The following AXIN2 variants were observed in gnomAD, a reference collection of about 807,000 sequenced individuals.
AXIN2 encodes the protein axin 2.
AXIN2 carries 21 observed loss-of-function variants against 74.7 expected under a neutral mutation model. That is an observed-to-expected ratio of 0.28 (90% CI 0.20 to 0.40). The LOEUF is 0.40. AXIN2 is among the 10% of genes least tolerant of loss of function. The pLI is 1.00. For missense variants in AXIN2, 1,144 were observed against 1,111.1 expected, an observed-to-expected ratio of 1.03 and a Z score of -0.42; for synonymous variants, 532 against 454.9, an observed-to-expected ratio of 1.17 and a Z score of -2.16.
chr17:65,546,617 G>A (rs1598108390), intron 3 of AXIN2, among the ~76,000 whole-genome samples: 1 of 152,302 alleles, frequency 6.6e-6, no homozygotes, highest in Middle Eastern at 3.4e-3. Context: ...CCAAGAGACA[G>A]TGACCCCACA....
chr17:65,549,805 G>A, intron 2 of AXIN2, 145 bp from the exon 3 acceptor site: 1 of 1,098,702 alleles, frequency 9.1e-7, no homozygotes, highest in Non-Finnish European at 1.3e-6. Context: ...CACCTGGGCA[G>A]AAAGCAGGGG....
intron 9 of AXIN2, among the ~76,000 whole-genome samples, chr17:65,534,463 T>C (rs765141338): frequency 3.3e-5 from 5 of 152,136 alleles, no homozygotes; most frequent in East Asian, 1.9e-4. Flanking sequence ...CTCACCTGGA[T>C]TGGAGAGTGC....
At position 65,558,416 on chromosome 17, in the gene AXIN2, C is replaced by G; in HGVS notation, c.205G>C (p.Ala69Pro). 6.2e-7 allele frequency: 1 copy of G among 1,600,856 alleles called. No homozygotes were observed. Among genetic ancestry groups the G allele is most frequent in the Non-Finnish European group, 8.5e-7 (1 of 1,171,656 alleles). Residue 69 changes from alanine to proline, a missense_variant, in exon 2 of 11, where the codon GCA becomes CCA. Ala to Pro is a conservative substitution (Grantham distance 27). Transcript: ENST00000307078. ...CGGGTCAGAGGGGAATCCGGAGATG[C>G]CCGCCCCTCCGGCTCCCCCAACCCA... Reference protein sequence around the residue: ...EDGLGEPEGRASPDSPLTRWT... With the variant: ...EDGLGEPEGRPSPDSPLTRWT...
chr17:65,559,784 A>T (rs1441698900), intron 1 of AXIN2, among the ~76,000 whole-genome samples: 1 of 152,198 alleles, frequency 6.6e-6, no homozygotes, highest in African/African-American at 2.4e-5. Context: ...TAGGGGCTGA[A>T]CGGGGTGCAA....
In AXIN2 at chr17:65,549,623, T is replaced by C. The variant is rs746239590; in HGVS notation, c.853A>G (p.Ile285Val). ...GGTGCAAAGACATAGCCAGAACCTA[T>C]GTGATAAGGATTAACAGGATCGCTC... Reference protein sequence around the residue: ...KRSDPVNPYHIGSGYVFAPAT... With the variant: ...KRSDPVNPYHVGSGYVFAPAT... The change falls in exon 3 of 11, where the codon ATA becomes GTA. Residue 285 changes from isoleucine (I) to valine (V), a missense_variant. By Grantham distance (29) the Ile-to-Val change is conservative (BLOSUM62 3). Transcript: ENST00000307078. The C allele has an allele frequency of 2.5e-6, 4 of 1,605,334 alleles. No homozygotes were observed. Among genetic ancestry groups the C allele is most frequent in the East Asian group, 4.5e-5 (2 of 44,692 alleles).
In AXIN2 at chr17:65,536,331, G is replaced by T. The variant is rs760740780; in HGVS notation, c.2130C>A (p.Pro710=). ...ACRRLAEVSK[P]PKQRCCVASQ... is the part of the protein sequence containing the mutation. The stretch of plus-strand genomic sequence containing the variant: ...TCACTTCCACTCACCGCTGCTTTGG[G>T]GGCTTCGACACCTCAGCTAGCCTGC... Residue 710 remains proline (P), a synonymous_variant, in exon 8 of 11, where the codon CCC becomes CCA. Coordinates refer to ENST00000307078, the MANE Select transcript of AXIN2 (RefSeq NM_004655.4). 62 of 1,611,214 alleles carry T rather than the reference G, an allele frequency of 3.8e-5. No homozygotes were observed. The highest frequency in any genetic ancestry group is 5.1e-5 in the Non-Finnish European group (60 of 1,179,316).
At chr17:65,537,907 T>G in intron 5 of AXIN2, 72 bp from the exon 6 acceptor site, 1 of 1,479,738 alleles carries the variant, frequency 6.8e-7, no homozygotes, top group Non-Finnish European at 9.0e-7. Context: ...GGTTGCAACA[T>G]TCGGCTCCCT....
At chr17:65,559,491 C>T (rs8080680) in intron 1 of AXIN2, 40,500 of 151,216 alleles carry the variant, frequency 0.27, 5,704 homozygotes, top group Middle Eastern at 0.33. Context: ...TCCCTGACCT[C>T]CCCCCAAACC....
chr17:65,536,996 C>A lies in AXIN2; in HGVS notation c.1780G>T (p.Ala594Ser), dbSNP rs876660965. Residue 594 changes from alanine (A) to serine (S), a missense_variant, in exon 7 of 11, where the codon GCC (alanine) becomes TCC (serine). Ala to Ser is a moderately conservative substitution (Grantham distance 99). This residue lies in a region of AXIN2 where 1,053 missense variants were observed against 973.5 expected (regional missense o/e 1.08). Transcript: ENST00000307078. Reference protein sequence around the residue: ...KGTEPGLALPAREGGAPGGAG... With the variant: ...KGTEPGLALPSREGGAPGGAG... ...CCGCCGGGGGCCCCTCCTTCCCTGG[C>A]GGGCAGGGCCAGGCCCGGCTCCGTG... The A allele has an allele frequency of 1.2e-6, 2 of 1,612,346 alleles. No individual in the cohort carries two copies. Among genetic ancestry groups the A allele is most frequent in the Non-Finnish European group, 1.7e-6 (2 of 1,179,862 alleles).
chr17:65,540,165 G>A (rs1031154923), intron 4 of AXIN2, among the ~76,000 whole-genome samples: 1 of 152,232 alleles, frequency 6.6e-6, no homozygotes, highest in African/African-American at 2.4e-5. Context: ...ATAAATAAAT[G>A]ACTAAAATCA....
At position 65,538,234 on chromosome 17, in the gene AXIN2, C is replaced by G; in HGVS notation, c.1169G>C (p.Ser390Thr). Residue 390 changes from serine (S) to threonine (T), a missense_variant, in exon 5 of 11, where the codon AGC becomes ACC. By Grantham distance (58) the Ser-to-Thr change is moderately conservative. Coordinates refer to ENST00000307078, the MANE Select transcript of AXIN2 (RefSeq NM_004655.4). ...KLKLELESRH[S>T]LEERLQQIRE... ...GATCTGCTGCAGGCGCTCCTCCAGG[C>G]TGTGGCGGCTCTCCAACTCCAGCTT... 7 of 1,614,222 alleles carry G rather than the reference C, an allele frequency of 4.3e-6. No homozygotes were observed. The highest frequency in any genetic ancestry group is 5.9e-6 in the Non-Finnish European group (7 of 1,180,048).
chr17:65,543,328 C>T (rs2044069759), intron 3 of AXIN2, among the ~76,000 whole-genome samples: 1 of 152,170 alleles, frequency 6.6e-6, no homozygotes, highest in South Asian at 2.1e-4. Flanking sequence ...AGGCTCGGCA[C>T]CTGACCAAGC....
Position 65,558,439 on chromosome 17 carries a change from CCAT to C in AXIN2, c.179_181del (p.Asp60del). On this transcript the variant is annotated inframe_deletion, in exon 2 of 11. Coordinates refer to ENST00000307078, the MANE Select transcript of AXIN2 (RefSeq NM_004655.4). ...TGCCCGCCCCTCCGGCTCCCCCAACCCATCTTCGTTCCGCCTGGTGTTGGAAGA... is the reference window on the plus strand; with the variant it reads ...TGCCCGCCCCTCCGGCTCCCCCAACCCTTCGTTCCGCCTGGTGTTGGAAGA... 6.3e-7 allele frequency: 1 copy of C among 1,599,834 alleles called. No homozygotes were observed. Among genetic ancestry groups the C allele is most frequent in the Non-Finnish European group, 8.5e-7 (1 of 1,171,234 alleles).
At position 65,558,707 on chromosome 17, in the gene AXIN2, A is replaced by C; in HGVS notation, c.-87T>G. 8.9e-6 allele frequency: 12 copies of C among 1,354,268 alleles called. No individual in the cohort carries two copies. The highest frequency in any genetic ancestry group is 1.2e-5 in the Non-Finnish European group (12 of 980,702). The allele number at this position is 1,354,268 out of a possible 1,614,324, so 83.9% of individuals were successfully genotyped here. ...CGGCGTGGTCTCTCTGTCTCTCTCA[A>C]GTCAGCAGGGGCTCATCTGAACCTC... On this transcript the variant is annotated 5_prime_UTR_variant, in exon 2 of 11. Transcript: ENST00000307078.
chr17:65,537,994 ACATATCCACACG>A, intron 5 of AXIN2, 159 bp from the exon 6 acceptor site: 1 of 1,309,048 alleles, frequency 7.6e-7, no homozygotes, highest in East Asian at 2.5e-5. Context: ...CTACACAAGC[ACATATCCACACG>A]CATATGCACA....
At position 65,537,422 on chromosome 17, in the gene AXIN2, C is replaced by T. The variant is rs2144458035; in HGVS notation, c.1614G>A (p.Arg538=). Residue 538 remains arginine (R), a synonymous_variant, in exon 6 of 11, where the codon CGG becomes CGA. Transcript: ENST00000307078. ...TGCCCCCAGGGCAGAAGCAGTGCAC[C>T]CGCTGCGTGGCCTCCGCCTCGATCT... is the stretch of plus-strand genomic sequence containing the variant. ...KEEIEAEATQ[R]VHCFCPGGSE... 6.2e-7 allele frequency: 1 copy of T among 1,614,012 alleles called. No individual in the cohort carries two copies. The highest frequency in any genetic ancestry group is 1.1e-5 in the South Asian group (1 of 91,074).
chr17:65,552,962 A>G (rs1392016594), intron 2 of AXIN2, among the ~76,000 whole-genome samples: 1 of 152,130 alleles, frequency 6.6e-6, no homozygotes, highest in African/African-American at 2.4e-5. Context: ...CGGGAGGCAA[A>G]GGTTGTGGTG....
At chr17:65,554,613 T>C (rs1466942015) in intron 2 of AXIN2, among the ~76,000 whole-genome samples, 1 of 152,224 alleles carries the variant, frequency 6.6e-6, no homozygotes, top group African/African-American at 2.4e-5. Flanking sequence ...CCAAGCTTGA[T>C]TCCAATGGCT....
At position 65,558,734 on chromosome 17, in the gene AXIN2, TC is replaced by T; in HGVS notation, c.-115del. ...TCAGCAGGGGCTCATCTGAACCTCCTCTCTGGAAAGAAAAGGAAGGGGGGAG... is the reference window on the plus strand; with the variant it reads ...TCAGCAGGGGCTCATCTGAACCTCCTTCTGGAAAGAAAAGGAAGGGGGGAG... On this transcript the variant is annotated splice_region_variant and 5_prime_UTR_variant, in exon 2 of 11. Transcript: ENST00000307078. 9.1e-7 allele frequency: 1 copy of T among 1,102,704 alleles called. No homozygotes were observed. Among genetic ancestry groups the T allele is most frequent in the Non-Finnish European group, 1.3e-6 (1 of 753,748 alleles). The allele number at this position is 1,102,704 out of a possible 1,614,324, so 68.3% of individuals were successfully genotyped here.
Sources: allele counts gnomAD v4.1 joint callset (sites outside exome capture counted in the v4.1 genomes callset), GRCh38; gene constraint gnomAD v4.1.1; regional missense constraint gnomAD v4.1.1; transcripts MANE v1.5; gene names NCBI Gene and HGNC (gene_info 2026-07-23, HGNC 2026-07-21).